The following UGT1A9 variants were observed in gnomAD, a reference collection of about 807,000 sequenced individuals.
The protein encoded by UGT1A9 is UDP glucuronosyltransferase family 1 member A9.
In UGT1A9, 35 loss-of-function variants were observed where a neutral mutation model predicts 45.0. The observed-to-expected ratio is 0.78, with a 90% CI of 0.59 to 1.03. The LOEUF (loss-of-function observed/expected upper bound fraction) is 1.03, where lower values mean the gene tolerates loss of function less well. UGT1A9 is among the 50% of genes least tolerant of loss of function. The pLI, the probability that UGT1A9 is intolerant of heterozygous loss-of-function variation, is 0.00. For synonymous variants in UGT1A9, 278 were observed against 250.6 expected, an observed-to-expected ratio of 1.11 and a Z score of -1.03; for missense variants, 687 against 666.6, an observed-to-expected ratio of 1.03 and a Z score of -0.34.
At chr2:233,682,322 A>C in intron 1 of UGT1A9, 4 of 1,614,160 alleles carry the variant, frequency 2.5e-6, no homozygotes, top group Non-Finnish European at 3.4e-6. Flanking sequence ...GAGTTTGTTT[A>C]ATGACCGAAA....
intron 1 of UGT1A9, among the ~76,000 whole-genome samples, chr2:233,687,074 C>T (rs1260348746): frequency 6.6e-6 from 1 of 152,190 alleles, no homozygotes; most frequent in Non-Finnish European, 1.5e-5. Flanking sequence ...AGCCTGATTT[C>T]ATAAGTACTT....
rs1331273154 is a variant in UGT1A9 at position 233,755,158 on chromosome 2, C to T, written c.856-11876C>T. On this transcript the variant is annotated intron_variant, in intron 1 of 4. Coordinates refer to ENST00000354728, the MANE Select transcript of UGT1A9 (RefSeq NM_021027.3). ...AATCTTCTCACCGCTTCCTCCCTGT[C>T]CTCGGGGTTTTTGTCGGGGTGCCAC... 1.2e-4 allele frequency: 159 copies of T among 1,292,482 alleles called. 2 individuals are homozygous for T. Among genetic ancestry groups the T allele is most frequent in the Non-Finnish European group, 4.6e-5 (44 of 955,692 alleles). The allele number at this position is 1,292,482 out of a possible 1,614,324, so 80.1% of individuals were successfully genotyped here.
At chr2:233,701,489 C>T (rs4024061) in intron 1 of UGT1A9, among the ~76,000 whole-genome samples, 4,094 of 152,166 alleles carry the variant, frequency 0.027, 90 homozygotes, top group African/African-American at 0.046. Context: ...CTGCACCAAG[C>T]GGACCTAATA....
In UGT1A9 at chr2:233,760,224, G is replaced by C. The variant is rs873478; in HGVS notation, c.856-6810G>C. 2,101 of 1,586,308 alleles carry C rather than the reference G, an allele frequency of 1.3e-3. 36 individuals are homozygous for C. The East Asian group carries it at 0.037, about 28-fold the overall frequency. ...CAAACATTAACTTGGTGTATCGATT[G>C]GTTTTTGCCATATATATATATATAA... is the stretch of plus-strand genomic sequence containing the variant. On this transcript the variant is annotated intron_variant, in intron 1 of 4. Coordinates refer to ENST00000354728, the MANE Select transcript of UGT1A9 (RefSeq NM_021027.3).
In UGT1A9 at chr2:233,761,156, G is replaced by T. The variant is rs777807265; in HGVS notation, c.856-5878G>T. On this transcript the variant is annotated intron_variant, in intron 1 of 4. Transcript: ENST00000354728. ...CACCAAAATCCACTATCCCAGGTGT[G>T]TATTGGAGTGGGACTTTTACATGCG... The T allele has an allele frequency of 2.7e-5, 43 of 1,614,110 alleles. No homozygotes were observed. The highest frequency in any genetic ancestry group is 1.4e-5 in the Non-Finnish European group (17 of 1,180,052).
At chr2:233,735,606 C>T (rs567993931) in intron 1 of UGT1A9, among the ~76,000 whole-genome samples, 14 of 152,270 alleles carry the variant, frequency 9.2e-5, no homozygotes, top group African/African-American at 2.6e-4. Context: ...TTCACAGCAT[C>T]GATAGTCTTT....
intron 1 of UGT1A9, among the ~76,000 whole-genome samples, chr2:233,732,119 T>C (rs1297599080): frequency 7.1e-6 from 1 of 141,674 alleles, no homozygotes; most frequent in African/African-American, 2.7e-5. Context: ...TTTGCCCACT[T>C]TTTGATGAGG....
intron 1 of UGT1A9, among the ~76,000 whole-genome samples, chr2:233,683,637 T>C (rs1227086066): frequency 6.6e-6 from 1 of 152,098 alleles, no homozygotes; most frequent in East Asian, 1.9e-4. Context: ...ATAAATAAAA[T>C]TTTGCACTTT....
At position 233,768,743 on chromosome 2, in the gene UGT1A9, C is replaced by T. The variant is rs540797215; in HGVS notation, c.1295+304C>T. Among the ~76,000 whole-genome samples the T allele has an allele frequency of 5.3e-5, 8 of 151,788 alleles. No homozygotes were observed. In the South Asian group the frequency reaches 1.3e-3, roughly 24 times the overall value. On this transcript the variant is annotated intron_variant, in intron 4 of 4. Coordinates refer to ENST00000354728, the MANE Select transcript of UGT1A9 (RefSeq NM_021027.3). ...GATTACAGGTGTCCACCACCACGCC[C>T]GGTTAATTTTTGTATTTTTTAGTAG...
At chr2:233,681,117 T>C (rs2074510022) in intron 1 of UGT1A9, among the ~76,000 whole-genome samples, 1 of 151,754 alleles carries the variant, frequency 6.6e-6, no homozygotes, top group Admixed American at 6.6e-5. Flanking sequence ...AGCTGTGTAT[T>C]GCAGAGACAC....
intron 1 of UGT1A9, among the ~76,000 whole-genome samples, chr2:233,678,747 C>T (rs906569876): frequency 8.9e-5 from 13 of 146,500 alleles, no homozygotes; most frequent in African/African-American, 2.9e-4. Context: ...TTGGAAAGCA[C>T]TCATCTCTAT....
intron 1 of UGT1A9, among the ~76,000 whole-genome samples, chr2:233,680,199 A>C (rs1255764712): frequency 1.3e-5 from 2 of 152,172 alleles, no homozygotes; most frequent in African/African-American, 4.8e-5. Flanking sequence ...CAGCATCATT[A>C]GTTGCACTTT....
At chr2:233,690,939 C>T in intron 1 of UGT1A9, 1 of 1,018,018 alleles carries the variant, frequency 9.8e-7, no homozygotes, top group Non-Finnish European at 1.2e-6. Flanking sequence ...CTTCCTCCAA[C>T]TCATGTTCTG....
In UGT1A9 at chr2:233,744,132, C is replaced by G. The variant is rs576185082; in HGVS notation, c.856-22902C>G. The G allele has an allele frequency of 6.1e-4, 215 of 354,750 alleles. 4 individuals are homozygous for G. The highest frequency in any genetic ancestry group is 4.3e-3 in the African/African-American group (200 of 46,340). 22.0% of individuals were successfully genotyped at this position (354,750 alleles called of 1,614,324 possible). A position where few individuals can be genotyped will look rare whatever the true frequency, so the allele number is the denominator to read the frequency against. On this transcript the variant is annotated intron_variant, in intron 1 of 4. Transcript: ENST00000354728. ...CTGCTCTCTGTGAGGCTCTGTGAGGCCCTGTGATGCTCCAAGACCAGGCCC... is the reference window on the plus strand; with the variant it reads ...CTGCTCTCTGTGAGGCTCTGTGAGGGCCTGTGATGCTCCAAGACCAGGCCC...
rs143031439 is a variant in UGT1A9 at position 233,719,079 on chromosome 2, A to G, written c.855+46290A>G. ...AGCCTATGCTGTTCCATGGACCCAG[A>G]AGGAATTTGATCGCGTTACGCTGGG... On this transcript the variant is annotated intron_variant, in intron 1 of 4. Coordinates refer to ENST00000354728, the MANE Select transcript of UGT1A9 (RefSeq NM_021027.3). 42 of 1,614,102 alleles carry G rather than the reference A, an allele frequency of 2.6e-5. No homozygotes were observed. In the East Asian group the frequency reaches 3.3e-4, roughly 13 times the overall value.
intron 1 of UGT1A9, chr2:233,719,682 T>A: frequency 6.2e-7 from 1 of 1,614,086 alleles, no homozygotes; most frequent in South Asian, 1.1e-5. Flanking sequence ...GAAGCCACTA[T>A]CTCAGGTCTG....
intron 1 of UGT1A9, among the ~76,000 whole-genome samples, chr2:233,679,947 G>A (rs1490488380): frequency 6.6e-6 from 1 of 152,082 alleles, no homozygotes; most frequent in Admixed American, 6.6e-5. Context: ...AAGATGCGAG[G>A]TTTGGCTCCT....
At chr2:233,687,001 A>G (rs1049293019) in intron 1 of UGT1A9, among the ~76,000 whole-genome samples, 2 of 152,224 alleles carry the variant, frequency 1.3e-5, no homozygotes, top group Non-Finnish European at 2.9e-5. Flanking sequence ...TGGTTTCAAC[A>G]CTAGAGGACT....
chr2:233,712,941 TA>T (rs2076262183), intron 1 of UGT1A9: 1 of 1,612,448 alleles, frequency 6.2e-7, no homozygotes, highest in Non-Finnish European at 8.5e-7. Context: ...GAAACAATTC[TA>T]GGAGGCACAA....
Sources: gnomAD v4.1 joint callset for allele counts (sites outside exome capture counted in the v4.1 genomes callset) on GRCh38, gnomAD v4.1.1 for gene constraint, MANE v1.5 for transcripts, NCBI Gene and HGNC (gene_info 2026-07-23, HGNC 2026-07-21) for gene names.